Variants in CAMK2D observed in about 807,000 individuals in gnomAD.
CAMK2D encodes the protein calcium/calmodulin dependent protein kinase II delta.
A neutral mutation model predicts 84.0 loss-of-function variants in CAMK2D; 37 were observed. The observed-to-expected ratio is 0.44, with a 90% confidence interval of 0.34 to 0.58. The LOEUF is 0.58. Among genes scored for constraint, CAMK2D ranks in the 20% least tolerant of loss-of-function variants. The pLI is 0.02. For synonymous variants in CAMK2D, 202 were observed against 212.5 expected, an observed-to-expected ratio of 0.95 and a Z score of 0.43; for missense variants, 448 against 652.5, an observed-to-expected ratio of 0.69 and a Z score of 3.41.
At chr4:113,683,437 AT>A (rs2099351373) in intron 2 of CAMK2D, among the ~76,000 whole-genome samples, 1 of 152,066 alleles carries the variant, frequency 6.6e-6, no homozygotes, top group Admixed American at 6.6e-5. Context: ...GGTACTCCCA[AT>A]GAAGAGCACA....
chr4:113,648,173 C>T (rs926703860), intron 3 of CAMK2D, among the ~76,000 whole-genome samples: 4 of 152,112 alleles, frequency 2.6e-5, no homozygotes, highest in African/African-American at 9.7e-5. Flanking sequence ...GAAGCCTATA[C>T]TGCATTTTTG....
In CAMK2D at chr4:113,598,535, A is replaced by G. The variant is rs184120779; in HGVS notation, c.275+10617T>C. ...TAATCCATGAAAGAAACAAATTGAT[A>G]AGCTTAAAAACTTAAACTTAAAAAC... On this transcript the variant is annotated intron_variant, in intron 4 of 20. Coordinates refer to ENST00000511664, the MANE Select transcript of CAMK2D (RefSeq NM_001321571.2). Among the ~76,000 whole-genome samples, 3 of 152,348 alleles carry G rather than the reference A, an allele frequency of 2.0e-5. No individual in the cohort carries two copies. In the East Asian group the frequency reaches 5.8e-4, roughly 29 times the overall value.
At position 113,451,967 on chromosome 4, in the gene CAMK2D, T is replaced by G. The variant is rs912068252; in HGVS notation, c.*2578A>C. The G allele has an allele frequency of 6.6e-6, 1 of 151,930 alleles. No homozygotes were observed. Among genetic ancestry groups the G allele is most frequent in the Non-Finnish European group, 1.5e-5 (1 of 67,982 alleles). The allele number at this position is 151,930 out of a possible 1,614,324, so 9.4% of individuals were successfully genotyped here. On this transcript the variant is annotated 3_prime_UTR_variant, in exon 21 of 21. Coordinates refer to ENST00000511664, the MANE Select transcript of CAMK2D (RefSeq NM_001321571.2). ...TTCTAGGTAAGAAACATAAACAACA[T>G]GAACAGCATAAACAGGCATGTGAGC...
At chr4:113,494,625 C>G (rs1450583693) in intron 16 of CAMK2D, among the ~76,000 whole-genome samples, 1 of 152,230 alleles carries the variant, frequency 6.6e-6, no homozygotes, top group Non-Finnish European at 1.5e-5. Flanking sequence ...GAGGTGGAGC[C>G]TACAGAGGCA....
At chr4:113,500,415 A>T (rs1224767044) in intron 16 of CAMK2D, 48 bp downstream of exon 16, 1 of 1,158,078 alleles carries the variant, frequency 8.6e-7, no homozygotes, top group Admixed American at 2.0e-5. Context: ...TTTCATATAT[A>T]TATGTGAAGC....
chr4:113,754,230 A>C (rs2099623440), intron 2 of CAMK2D: 3 of 975,332 alleles, frequency 3.1e-6, no homozygotes, highest in African/African-American at 3.5e-5. Context: ...ATGATTTATT[A>C]AAACACTGCA....
intron 2 of CAMK2D, among the ~76,000 whole-genome samples, chr4:113,742,056 A>T (rs2099594252): frequency 6.6e-6 from 1 of 152,136 alleles, no homozygotes; most frequent in South Asian, 2.1e-4. Flanking sequence ...TATCTATCCA[A>T]ATGCCTTTTC....
At chr4:113,702,931 A>C (rs2099426922) in intron 2 of CAMK2D, among the ~76,000 whole-genome samples, 1 of 152,180 alleles carries the variant, frequency 6.6e-6, no homozygotes, top group African/African-American at 2.4e-5. Flanking sequence ...GTGATTTTAC[A>C]TTCAAAATCT....
intron 4 of CAMK2D, among the ~76,000 whole-genome samples, chr4:113,573,763 T>G (rs2154229439): frequency 6.6e-6 from 1 of 152,338 alleles, no homozygotes; most frequent in East Asian, 1.9e-4. Context: ...GAAGGCTTCC[T>G]CCTTGAAGAT....
chr4:113,530,196 T>C (rs2079117), intron 8 of CAMK2D, among the ~76,000 whole-genome samples: 36,537 of 152,226 alleles, frequency 0.24, 4,547 homozygotes, highest in Middle Eastern at 0.29. Context: ...TCAGATTTTG[T>C]AGTATTTATA....
chr4:113,746,675 G>A (rs997162891), intron 2 of CAMK2D, among the ~76,000 whole-genome samples: 5 of 152,058 alleles, frequency 3.3e-5, no homozygotes, highest in African/African-American at 1.2e-4. Context: ...AACTTCAAAA[G>A]TTACAGAAAA....
rs1314958932 is a variant in CAMK2D at position 113,457,487 on chromosome 4, G to C, written c.1383C>G (p.Ala461=). 1 of 1,613,756 alleles carries C rather than the reference G, an allele frequency of 6.2e-7. No individual in the cohort carries two copies. Among genetic ancestry groups the C allele is most frequent in the Admixed American group, 1.7e-5 (1 of 60,002 alleles). The change falls in exon 19 of 21, where the codon GCC becomes GCG. Residue 461 remains alanine (A), a synonymous_variant. Transcript: ENST00000511664. ...GTGTGAGCCTAATATATGCTATGCAGGCGGCATCATCCCCTACCAGATGTA... is the reference window on the plus strand; with the variant it reads ...GTGTGAGCCTAATATATGCTATGCACGCGGCATCATCCCCTACCAGATGTA... The part of the protein sequence containing the change: ...PHVHLVGDDA[A]CIAYIRLTQY...
At chr4:113,735,289 G>GA (rs769117708) in intron 2 of CAMK2D, among the ~76,000 whole-genome samples, 992 of 44,730 alleles carry the variant, frequency 0.022, 114 homozygotes, top group Admixed American at 0.031. Context: ...ATCTCTACAG[G>GA]AAAAAAAAAA....
intron 4 of CAMK2D, among the ~76,000 whole-genome samples, chr4:113,578,153 G>A (rs1248678298): frequency 6.6e-6 from 1 of 152,142 alleles, no homozygotes; most frequent in East Asian, 1.9e-4. Flanking sequence ...CTGTTCCCAA[G>A]GAACAGTATC....
chr4:113,674,997 T>C (rs887911272), intron 2 of CAMK2D, among the ~76,000 whole-genome samples: 4 of 152,240 alleles, frequency 2.6e-5, no homozygotes, highest in Admixed American at 1.3e-4. Flanking sequence ...CATTAGCTTC[T>C]TGCAGTAGAA....
chr4:113,716,825 T>C (rs1340760188), intron 2 of CAMK2D, among the ~76,000 whole-genome samples: 2 of 152,276 alleles, frequency 1.3e-5, no homozygotes, highest in East Asian at 3.9e-4. Flanking sequence ...TTTAGCTTTA[T>C]GTGTTTCTAA....
chr4:113,621,962 G>A, intron 3 of CAMK2D, among the ~76,000 whole-genome samples: 1 of 152,082 alleles, frequency 6.6e-6, no homozygotes, highest in East Asian at 1.9e-4. Context: ...TCATCTATAT[G>A]GGGCTACTAA....
chr4:113,691,645 C>G (rs532385085), intron 2 of CAMK2D, among the ~76,000 whole-genome samples: 2 of 151,934 alleles, frequency 1.3e-5, no homozygotes, highest in African/African-American at 4.8e-5. Context: ...CTCAGCTACT[C>G]GGGAGGCTGA....
At chr4:113,469,269 G>T (rs1048989257) in intron 16 of CAMK2D, among the ~76,000 whole-genome samples, 2 of 152,200 alleles carry the variant, frequency 1.3e-5, no homozygotes, top group African/African-American at 4.8e-5. Context: ...CAGGAATGCA[G>T]TGATTATTTC....
Sources: gnomAD v4.1 joint callset for allele counts (sites outside exome capture counted in the v4.1 genomes callset) on GRCh38, gnomAD v4.1.1 for gene constraint, MANE v1.5 for transcripts, NCBI Gene and HGNC (gene_info 2026-07-23, HGNC 2026-07-21) for gene names.